Variants in SKAP1 observed in about 807,000 individuals in gnomAD.
The protein encoded by SKAP1 is src kinase-associated phosphoprotein 1.
SKAP1 carries 44 observed loss-of-function variants against 58.5 expected under a neutral mutation model. The ratio of observed to expected loss-of-function variants is 0.75; its 90% confidence interval spans 0.59 to 0.97. The LOEUF is 0.97. SKAP1 is among the 50% of genes least tolerant of loss of function. The pLI, the probability that SKAP1 is intolerant of heterozygous loss-of-function variation, is 0.00. For synonymous variants in SKAP1, 127 were observed against 149.7 expected, an observed-to-expected ratio of 0.85 and a Z score of 1.11; for missense variants, 390 against 435.2, an observed-to-expected ratio of 0.90 and a Z score of 0.92.
chr17:48,251,274 G>T (rs1213759221), intron 4 of SKAP1, among the ~76,000 whole-genome samples: 1 of 152,222 alleles, frequency 6.6e-6, no homozygotes, highest in Non-Finnish European at 1.5e-5. Flanking sequence ...GCCTAGTGGA[G>T]TTTCTTAATG....
chr17:48,312,376 C>T (rs1388662105), intron 4 of SKAP1, among the ~76,000 whole-genome samples: 3 of 152,148 alleles, frequency 2.0e-5, no homozygotes, highest in Non-Finnish European at 4.4e-5. Flanking sequence ...TTTCTTAAAA[C>T]ACTTACTAGA....
intron 11 of SKAP1, among the ~76,000 whole-genome samples, chr17:48,157,905 T>C (rs1053932003): frequency 2.7e-5 from 4 of 148,386 alleles, no homozygotes; most frequent in East Asian, 2.1e-4. Context: ...TAGCCGGACA[T>C]GGTGGCTCAC....
At chr17:48,169,103 C>A (rs2064177574) in intron 10 of SKAP1, among the ~76,000 whole-genome samples, 1 of 91,948 alleles carries the variant, frequency 1.1e-5, no homozygotes, top group South Asian at 5.3e-4. Context: ...GCATGAGGAA[C>A]AAAAGGTTTT....
Position 48,346,010 on chromosome 17 carries a change from A to G in SKAP1, c.179-4T>C. On this transcript the variant is annotated splice_polypyrimidine_tract_variant and splice_region_variant and intron_variant, in intron 3 of 12. Coordinates refer to ENST00000336915, the MANE Select transcript of SKAP1 (RefSeq NM_003726.4). The stretch of plus-strand genomic sequence containing the variant: ...CTGTCCTGTCCAATGTCTCCCCCTG[A>G]GGGACAAAAAAGACAGAAAATAAGG... 6.4e-7 allele frequency: 1 copy of G among 1,574,454 alleles called. No individual in the cohort carries two copies. Among genetic ancestry groups the G allele is most frequent in the Non-Finnish European group, 8.6e-7 (1 of 1,156,190 alleles).
chr17:48,252,119 T>C (rs1481693445), intron 4 of SKAP1, among the ~76,000 whole-genome samples: 5 of 152,240 alleles, frequency 3.3e-5, no homozygotes, highest in African/African-American at 9.6e-5. Flanking sequence ...TGAGCGATTA[T>C]GACTTATCAG....
At chr17:48,252,836 TAAGTC>T (rs1398136990) in intron 4 of SKAP1, among the ~76,000 whole-genome samples, 1 of 151,956 alleles carries the variant, frequency 6.6e-6, no homozygotes, top group Non-Finnish European at 1.5e-5. Context: ...ATACTGTACT[TAAGTC>T]AAGTTTTCCT....
chr17:48,329,631 C>A (rs764782571), intron 4 of SKAP1, among the ~76,000 whole-genome samples: 6 of 152,088 alleles, frequency 3.9e-5, no homozygotes, highest in African/African-American at 1.4e-4. Flanking sequence ...CGCTTGAACC[C>A]GGGAGGCGGA....
intron 2 of SKAP1, among the ~76,000 whole-genome samples, chr17:48,390,524 A>G (rs1180677609): frequency 6.6e-6 from 1 of 152,230 alleles, no homozygotes; most frequent in Non-Finnish European, 1.5e-5. Context: ...AGTAGCTAAT[A>G]GGAATGTGCC....
intron 4 of SKAP1, among the ~76,000 whole-genome samples, chr17:48,240,980 T>C (rs972867558): frequency 6.6e-6 from 1 of 152,196 alleles, no homozygotes; most frequent in South Asian, 2.1e-4. Context: ...AAATTCTTCA[T>C]CTTCAAAGAC....
intron 4 of SKAP1, among the ~76,000 whole-genome samples, chr17:48,296,258 A>G (rs557244679): frequency 6.6e-6 from 1 of 152,338 alleles, no homozygotes; most frequent in East Asian, 1.9e-4. Context: ...CATGCAATGC[A>G]TACTTTACAG....
chr17:48,396,683 G>C lies in SKAP1; in HGVS notation c.149C>G (p.Ala50Gly), dbSNP rs373333526. ...AATGGAACCAGTTTATACAAACCTG[G>C]CTTTGATTTGCTGAAAGCCCCGTAG... ...HILRGFQQIK[A>G]RYYWDFQPQG... is the part of the protein sequence containing the mutation. Residue 50 changes from alanine (A) to glycine (G), a missense_variant, in exon 2 of 13, where the codon GCC becomes GGC. Transcript: ENST00000336915. 1.9e-6 allele frequency: 3 copies of C among 1,600,696 alleles called. No individual in the cohort carries two copies. The African/African-American group carries it at 4.0e-5, about 21-fold the overall frequency.
intron 4 of SKAP1, among the ~76,000 whole-genome samples, chr17:48,220,019 T>C (rs1419929243): frequency 2.0e-5 from 3 of 152,180 alleles, no homozygotes; most frequent in Admixed American, 6.5e-5. Context: ...CCCACCAGAA[T>C]TGCTAAAATT....
At chr17:48,158,567 C>CAAAAAAAAAAAAAAAAAA (rs1171183021) in intron 11 of SKAP1, among the ~76,000 whole-genome samples, 3 of 61,510 alleles carry the variant, frequency 4.9e-5, no homozygotes, top group African/African-American at 6.8e-5. Flanking sequence ...GACTCTGTCT[C>CAAAAAAAAAAAAAAAAAA]AAAAAAAAAA....
At chr17:48,305,569 GA>G (rs1226500471) in intron 4 of SKAP1, among the ~76,000 whole-genome samples, 1 of 152,220 alleles carries the variant, frequency 6.6e-6, no homozygotes, top group Non-Finnish European at 1.5e-5. Context: ...AGCTGGGAGT[GA>G]TGCTGGAAAA....
intron 4 of SKAP1, among the ~76,000 whole-genome samples, chr17:48,344,952 A>G (rs1341624083): frequency 1.3e-5 from 2 of 152,260 alleles, no homozygotes; most frequent in African/African-American, 4.8e-5. Context: ...ACTAACAAAG[A>G]AAAGTAAGGA....
At chr17:48,302,792 C>T (rs898588926) in intron 4 of SKAP1, among the ~76,000 whole-genome samples, 3 of 152,178 alleles carry the variant, frequency 2.0e-5, no homozygotes, top group African/African-American at 7.2e-5. Context: ...TCAACAAACA[C>T]TCTGGGAGCA....
At chr17:48,341,880 CAAAT>C (rs2066658010) in intron 4 of SKAP1, among the ~76,000 whole-genome samples, 1 of 152,106 alleles carries the variant, frequency 6.6e-6, no homozygotes, top group Non-Finnish European at 1.5e-5. Flanking sequence ...ACATATATAA[CAAAT>C]AAATACATTA....
At chr17:48,197,866 C>T (rs1428763307) in intron 4 of SKAP1, among the ~76,000 whole-genome samples, 1 of 152,150 alleles carries the variant, frequency 6.6e-6, no homozygotes, top group Non-Finnish European at 1.5e-5. Context: ...TGCTAATTGT[C>T]TAGGAGACCT....
chr17:48,134,917 C>G (rs1425666943), intron 12 of SKAP1, among the ~76,000 whole-genome samples: 1 of 151,600 alleles, frequency 6.6e-6, no homozygotes, highest in Non-Finnish European at 1.5e-5. Context: ...TTGGTGAGGC[C>G]GGTCCCGAAC....
Sources: allele counts gnomAD v4.1 joint callset (sites outside exome capture counted in the v4.1 genomes callset), GRCh38; gene constraint gnomAD v4.1.1; transcripts MANE v1.5; gene names NCBI Gene and HGNC (gene_info 2026-07-23, HGNC 2026-07-21).